Variants in CHPT1 observed in about 807,000 individuals in gnomAD.
The protein encoded by CHPT1 is cholinephosphotransferase 1.
A neutral mutation model predicts 47.6 loss-of-function variants in CHPT1; 36 were observed. That is an observed-to-expected ratio of 0.76 (90% confidence interval 0.58 to 1.00). CHPT1 has a LOEUF of 1.00. Ranked by LOEUF, CHPT1 falls within the 50% of genes least tolerant of loss-of-function variation. CHPT1 has a pLI of 0.00. For missense variants in CHPT1, 458 were observed against 498.1 expected (o/e 0.92, Z 0.77); for synonymous variants, 194 against 186.3 (o/e 1.04, Z -0.33).
At position 101,710,466 on chromosome 12, in the gene CHPT1, C is replaced by T. The variant is rs774004563; in HGVS notation, c.274-3624C>T. 1.5e-4 allele frequency among the ~76,000 whole-genome samples: 22 copies of T among 149,048 alleles called. 2 individuals carry two copies. Among genetic ancestry groups the T allele is most frequent in the Non-Finnish European group, 2.9e-4 (19 of 66,532 alleles). The stretch of plus-strand genomic sequence containing the variant: ...GGAACATGGATCTAGTCACTGACTC[C>T]AGTAAACCTTTCACTTTCAGTCAGA... On this transcript the variant is annotated intron_variant, in intron 1 of 8. Coordinates refer to ENST00000229266, the MANE Select transcript of CHPT1 (RefSeq NM_020244.3).
At chr12:101,719,964 G>T in intron 4 of CHPT1, 159 bp from the exon 5 acceptor site, 1 of 417,992 alleles carries the variant, frequency 2.4e-6, no homozygotes, top group Non-Finnish European at 4.0e-6. Flanking sequence ...TTAAAAAAAA[G>T]TTTTTAAGTT....
At chr12:101,713,671 A>C (rs1487569134) in intron 1 of CHPT1, among the ~76,000 whole-genome samples, 1 of 152,132 alleles carries the variant, frequency 6.6e-6, no homozygotes, top group East Asian at 1.9e-4. Context: ...TTCTAGTTAT[A>C]TAAGGTGGGA....
rs931297110 is a variant in CHPT1, at chr12:101,697,895, C to A, written c.34C>A (p.Arg12Ser). The change falls in exon 1 of 9, where the codon CGC (arginine) becomes AGC (serine). Residue 12 changes from arginine to serine, a missense_variant. Arg to Ser is a moderately radical substitution (Grantham distance 110, BLOSUM62 -1). Transcript: ENST00000229266. Reference protein sequence around the residue: ...AAGAGAGSAPRWLRALSEPLS... With the variant: ...AAGAGAGSAPSWLRALSEPLS... ...AGGCGCCGGGGCCGGGTCCGCGCCG[C>A]GCTGGCTGAGGGCGCTGAGCGAGCC... 1.7e-5 allele frequency: 21 copies of A among 1,266,362 alleles called. No homozygotes were observed. The highest frequency in any genetic ancestry group is 2.1e-5 in the Non-Finnish European group (21 of 1,007,560). The allele number at this position is 1,266,362 out of a possible 1,614,324, so 78.4% of individuals were successfully genotyped here. A position where few individuals can be genotyped will look rare whatever the true frequency, so the allele number is the denominator to read the frequency against.
At chr12:101,717,802 T>C (rs975820398) in intron 4 of CHPT1, among the ~76,000 whole-genome samples, 1 of 152,206 alleles carries the variant, frequency 6.6e-6, no homozygotes, top group African/African-American at 2.4e-5. Context: ...TGAAAACTTA[T>C]GTCCACACAA....
At chr12:101,723,138 G>A in intron 5 of CHPT1, 30 bp from the exon 6 acceptor site, 1 of 1,594,998 alleles carries the variant, frequency 6.3e-7, no homozygotes, top group Non-Finnish European at 8.6e-7. Flanking sequence ...GTGTTAAAAT[G>A]TGATACTGAT....
intron 4 of CHPT1, among the ~76,000 whole-genome samples, chr12:101,718,108 A>G (rs1951791102): frequency 6.6e-6 from 1 of 152,244 alleles, no homozygotes; most frequent in Non-Finnish European, 1.5e-5. Flanking sequence ...ATCAGAAGTT[A>G]CCATGGGTTG....
At position 101,720,220 on chromosome 12, in the gene CHPT1, A is replaced by G. The variant is rs2137023828; in HGVS notation, c.746A>G (p.His249Arg). 1 of 1,605,964 alleles carries G rather than the reference A, an allele frequency of 6.2e-7. No homozygotes were observed. Among genetic ancestry groups the G allele is most frequent in the Non-Finnish European group, 8.5e-7 (1 of 1,176,534 alleles). ...SCSNYFHVIL[H>R]GGVGKNGSTI... Reference sequence around the variant, plus strand: ...TCAAATTATTTCCATGTTATCCTCCATGGTGGTGTTGGCAAGAATGGATCC... The same window carrying G: ...TCAAATTATTTCCATGTTATCCTCCGTGGTGGTGTTGGCAAGAATGGATCC... Residue 249 changes from histidine (H) to arginine (R), a missense_variant, in exon 5 of 9, where the codon CAT (histidine) becomes CGT (arginine). Coordinates refer to ENST00000229266, the MANE Select transcript of CHPT1 (RefSeq NM_020244.3).
chr12:101,716,523 G>A (rs566115558), intron 3 of CHPT1, among the ~76,000 whole-genome samples: 106 of 152,160 alleles, frequency 7.0e-4, no homozygotes, highest in African/African-American at 2.2e-3. Context: ...TGCATATACC[G>A]TTACCTATGT....
intron 8 of CHPT1, chr12:101,728,428 G>A (rs1952030900): frequency 6.4e-6 from 1 of 156,060 alleles, no homozygotes; most frequent in African/African-American, 2.4e-5. Flanking sequence ...TCTATTGCTA[G>A]TGATTTAATG....
At chr12:101,718,058 A>T (rs932073301) in intron 4 of CHPT1, among the ~76,000 whole-genome samples, 3 of 152,244 alleles carry the variant, frequency 2.0e-5, no homozygotes, top group Non-Finnish European at 4.4e-5. Flanking sequence ...CAACTATATG[A>T]CATTCTTTAA....
At chr12:101,719,589 A>G in intron 4 of CHPT1, 1 of 1,036,956 alleles carries the variant, frequency 9.6e-7, no homozygotes. Context: ...ACATCATGAT[A>G]TTTGTTACAT....
chr12:101,726,252 T>G (rs1037832052), intron 7 of CHPT1, 42 bp from the exon 8 acceptor site: 1 of 1,327,034 alleles, frequency 7.5e-7, no homozygotes, highest in Non-Finnish European at 1.1e-6. Flanking sequence ...TGAGAAAAGA[T>G]AGATCATAAT....
At chr12:101,699,161 C>A (rs543834874) in intron 1 of CHPT1, among the ~76,000 whole-genome samples, 1 of 152,046 alleles carries the variant, frequency 6.6e-6, no homozygotes, top group East Asian at 1.9e-4. Flanking sequence ...GATCTCGGCT[C>A]ACTGCAACCT....
Position 101,723,232 on chromosome 12 carries a change from A to G in CHPT1, c.845A>G (p.Tyr282Cys). The change falls in exon 6 of 9, where the codon TAT (tyrosine) becomes TGT (cysteine). Residue 282 changes from tyrosine to cysteine, a missense_variant. Coordinates refer to ENST00000229266, the MANE Select transcript of CHPT1 (RefSeq NM_020244.3). ...GLIIILAIMI[Y>C]KKSATDVFEK... Reference sequence around the variant, plus strand: ...ATTATTATACTGGCAATAATGATCTATAAAAAGTCAGCAACTGATGTGTTT... The same window carrying G: ...ATTATTATACTGGCAATAATGATCTGTAAAAAGTCAGCAACTGATGTGTTT... The G allele has an allele frequency of 1.2e-6, 2 of 1,612,174 alleles. No homozygotes were observed. The highest frequency in any genetic ancestry group is 1.7e-6 in the Non-Finnish European group (2 of 1,178,312).
At chr12:101,713,348 C>T (rs765726965) in intron 1 of CHPT1, among the ~76,000 whole-genome samples, 15 of 152,206 alleles carry the variant, frequency 9.9e-5, no homozygotes, top group Middle Eastern at 3.2e-3. Flanking sequence ...GATACCCTTC[C>T]GTAAGACGTC....
chr12:101,723,991 C>T (rs549329778), intron 7 of CHPT1, 144 bp downstream of exon 7: 63 of 581,332 alleles, frequency 1.1e-4, no homozygotes, highest in African/African-American at 5.6e-4. Flanking sequence ...CCAAGGTGGA[C>T]GGATCATTTG....
intron 8 of CHPT1, 65 bp downstream of exon 8, chr12:101,726,469 T>C (rs1951946865): frequency 6.3e-7 from 1 of 1,584,110 alleles, no homozygotes; most frequent in Admixed American, 1.7e-5. Flanking sequence ...GGGGAATCTA[T>C]GAGTGAAGGA....
chr12:101,708,803 G>T (rs1951668180), intron 1 of CHPT1, among the ~76,000 whole-genome samples: 1 of 148,038 alleles, frequency 6.8e-6, no homozygotes, highest in Admixed American at 6.9e-5. Flanking sequence ...TACCATGCTG[G>T]CCAGGCTTGT....
At chr12:101,719,251 A>G (rs1304412452) in intron 4 of CHPT1, among the ~76,000 whole-genome samples, 1 of 151,886 alleles carries the variant, frequency 6.6e-6, no homozygotes, top group African/African-American at 2.4e-5. Flanking sequence ...TTAAATTTGG[A>G]ATTGAATCTT....
Sources: allele counts gnomAD v4.1 joint callset (sites outside exome capture counted in the v4.1 genomes callset), GRCh38; gene constraint gnomAD v4.1.1; transcripts MANE v1.5; gene names NCBI Gene and HGNC (gene_info 2026-07-23, HGNC 2026-07-21).